Variants in RPA1 observed in about 807,000 individuals in gnomAD.
RPA1 encodes replication protein A1, also known as replication protein A 70 kDa DNA-binding subunit.
In RPA1, 49 loss-of-function variants were observed where a neutral mutation model predicts 83.0. The ratio of observed to expected loss-of-function variants is 0.59; its 90% CI spans 0.47 to 0.75. RPA1 has a LOEUF of 0.75. RPA1 is among the 30% of genes least tolerant of loss of function. RPA1 has a pLI of 0.00. For missense variants in RPA1, 693 were observed against 776.1 expected, an observed-to-expected ratio of 0.89 and a Z score of 1.27; for synonymous variants, 279 against 281.8, an observed-to-expected ratio of 0.99 and a Z score of 0.10.
chr17:1,891,385 C>T (rs780624217), intron 14 of RPA1, among the ~76,000 whole-genome samples: 2 of 151,576 alleles, frequency 1.3e-5, no homozygotes, highest in Non-Finnish European at 3.0e-5. Context: ...AGAACTCCCC[C>T]GATTCACTCA....
Position 1,880,450 on chromosome 17 carries a change from C to A in RPA1, c.1093-93C>A, listed in dbSNP as rs1450832267. The A allele has an allele frequency of 1.1e-5, 15 of 1,309,390 alleles. 1 individual carries two copies. Among genetic ancestry groups the A allele is most frequent in the Middle Eastern group, 2.4e-4 (1 of 4,224 alleles). The allele number at this position is 1,309,390 out of a possible 1,614,324, so 81.1% of individuals were successfully genotyped here. A position where few individuals can be genotyped will look rare whatever the true frequency, so the allele number is the denominator to read the frequency against. On this transcript the variant is annotated intron_variant, in intron 11 of 16. Transcript: ENST00000254719. ...ATTCCATGTACGCTGATTACATTCA[C>A]TCTACTATTGAATGTTTGCCTTGTT...
At chr17:1,868,140 C>T (rs931169840) in intron 5 of RPA1, among the ~76,000 whole-genome samples, 8 of 152,126 alleles carry the variant, frequency 5.3e-5, no homozygotes, top group Non-Finnish European at 8.8e-5. Context: ...TCCTTTATTT[C>T]AGTACCCAGC....
At chr17:1,858,499 T>C (rs942439214) in intron 5 of RPA1, 4 of 978,290 alleles carry the variant, frequency 4.1e-6, no homozygotes, top group Non-Finnish European at 6.4e-6. Context: ...AGTCTTGCTC[T>C]GTCACCCAGG....
chr17:1,880,684 C>T lies in RPA1; in HGVS notation c.1234C>T (p.Arg412Cys), dbSNP rs1263783009. Reference protein sequence around the residue: ...NPDIPEAYKLRGWFDAEGQAL... With the variant: ...NPDIPEAYKLCGWFDAEGQAL... ...TGACATCCCAGAGGCCTATAAGCTT[C>T]GTGGATGGTAGGTTTTGTGGGGCTA... is the stretch of plus-strand genomic sequence containing the variant. Residue 412 changes from arginine (R) to cysteine (C), a missense_variant, in exon 12 of 17, where the codon CGT becomes TGT. By Grantham distance (180) the Arg-to-Cys change is radical. Transcript: ENST00000254719. 4.3e-6 allele frequency: 7 copies of T among 1,613,290 alleles called. No individual in the cohort carries two copies. The East Asian group carries it at 6.7e-5, about 15-fold the overall frequency.
At chr17:1,848,812 C>A (rs1912362450) in intron 4 of RPA1, among the ~76,000 whole-genome samples, 2 of 152,148 alleles carry the variant, frequency 1.3e-5, no homozygotes, top group South Asian at 4.1e-4. Flanking sequence ...GATCCACCCA[C>A]CTCGGCCTCC....
rs1218466906 is a variant in RPA1, at chr17:1,875,693, A to G, written c.487A>G (p.Lys163Glu). ...TGTTTCTAAGGCTTATGGTGCTTCA[A>G]AGACATTTGGAAAAGCTGCAGGTCC... The part of the protein sequence containing the change: ...STVSKAYGAS[K>E]TFGKAAGPSL... Residue 163 changes from lysine to glutamate, a missense_variant, in exon 7 of 17, where the codon AAG becomes GAG. Coordinates refer to ENST00000254719, the MANE Select transcript of RPA1 (RefSeq NM_002945.5). The G allele has an allele frequency of 2.5e-6, 4 of 1,614,182 alleles. No individual in the cohort carries two copies. Among genetic ancestry groups the G allele is most frequent in the East Asian group, 2.2e-5 (1 of 44,888 alleles).
At chr17:1,882,099 C>T (rs1913821033) in intron 12 of RPA1, among the ~76,000 whole-genome samples, 1 of 152,156 alleles carries the variant, frequency 6.6e-6, no homozygotes, top group Non-Finnish European at 1.5e-5. Flanking sequence ...GGAACCTGTT[C>T]TTTGTGTGGT....
At chr17:1,846,651 A>ATGCT (rs199966380) in intron 4 of RPA1, among the ~76,000 whole-genome samples, 1,865 of 152,150 alleles carry the variant, frequency 0.012, 52 homozygotes, top group African/African-American at 0.043. Context: ...GGTATGTGGT[A>ATGCT]TGCTTGTTCA....
chr17:1,872,307 T>C lies in RPA1; in HGVS notation c.362-127T>C, dbSNP rs1913402275. The C allele has an allele frequency of 4.3e-6, 6 of 1,404,140 alleles. No individual in the cohort carries two copies. The South Asian group carries it at 8.3e-5, about 19-fold the overall frequency. The allele number at this position is 1,404,140 out of a possible 1,614,324, so 87.0% of individuals were successfully genotyped here. ...TGCCATGGAATGCCTCAGCACGAAT[T>C]CTAATCCATGGGAGTCTTTGACAAA... On this transcript the variant is annotated intron_variant, in intron 5 of 16. Transcript: ENST00000254719.
At position 1,895,016 on chromosome 17, in the gene RPA1, A is replaced by G. The variant is rs148923182; in HGVS notation, c.1667A>G (p.Gln556Arg). 9.9e-6 allele frequency: 16 copies of G among 1,613,248 alleles called. No individual in the cohort carries two copies. The African/African-American group carries it at 2.0e-4, about 20-fold the overall frequency. Residue 556 changes from glutamine (Q) to arginine (R), a missense_variant, in exon 16 of 17, where the codon CAG becomes CGG. Physicochemically the swap from Gln to Arg is conservative, Grantham distance 43 (BLOSUM62 1). Coordinates refer to ENST00000254719, the MANE Select transcript of RPA1 (RefSeq NM_002945.5). ...YLGELKDKNE[Q>R]AFEEVFQNAN... is the part of the protein sequence containing the mutation. Reference sequence around the variant, plus strand: ...TTATGTTTGTTTTTGCAGAATGAACAGGCATTTGAAGAAGTTTTCCAGAAT... The same window carrying G: ...TTATGTTTGTTTTTGCAGAATGAACGGGCATTTGAAGAAGTTTTCCAGAAT...
At chr17:1,873,297 C>G (rs1913445797) in intron 6 of RPA1, among the ~76,000 whole-genome samples, 1 of 152,174 alleles carries the variant, frequency 6.6e-6, no homozygotes, top group Non-Finnish European at 1.5e-5. Context: ...ATTTACTTTT[C>G]TCTGCAGCAG....
At chr17:1,857,817 GGA>G (rs774727314) in intron 5 of RPA1, among the ~76,000 whole-genome samples, 6 of 141,058 alleles carry the variant, frequency 4.3e-5, no homozygotes, top group East Asian at 2.0e-4. Flanking sequence ...GCAAAAAAGG[GGA>G]GTTTTTGCAG....
chr17:1,891,323 C>T (rs557512156), intron 14 of RPA1, among the ~76,000 whole-genome samples: 1 of 152,274 alleles, frequency 6.6e-6, no homozygotes, highest in East Asian at 1.9e-4. Flanking sequence ...GTGACAGAGC[C>T]GTCTCATGGA....
Position 1,875,127 on chromosome 17 carries a change from C to T in RPA1, c.455-534C>T, listed in dbSNP as rs546298645. Among the ~76,000 whole-genome samples, 13 of 152,292 alleles carry T rather than the reference C, an allele frequency of 8.5e-5. No individual in the cohort carries two copies. The South Asian group carries it at 2.1e-3, about 24-fold the overall frequency. ...ACTGATTCCTGCCCTTTGCACCCGA[C>T]GAAACTCATTCTTACAGACTTCATT... On this transcript the variant is annotated intron_variant, in intron 6 of 16. Coordinates refer to ENST00000254719, the MANE Select transcript of RPA1 (RefSeq NM_002945.5).
chr17:1,878,585 A>T (rs953973339), intron 8 of RPA1, among the ~76,000 whole-genome samples: 1 of 152,218 alleles, frequency 6.6e-6, no homozygotes, highest in Non-Finnish European at 1.5e-5. Context: ...CTGAGAGGGC[A>T]CTGTGGAGGG....
chr17:1,843,598 C>CATTATTATT (rs139126914), intron 2 of RPA1, among the ~76,000 whole-genome samples: 43,594 of 140,784 alleles, frequency 0.31, 7,503 homozygotes, highest in Non-Finnish European at 0.4. Flanking sequence ...TTGGGTGCTT[C>CATTATTATT]ATTATTATTA....
At chr17:1,840,554 A>G (rs1300944393) in intron 1 of RPA1, among the ~76,000 whole-genome samples, 2 of 151,872 alleles carry the variant, frequency 1.3e-5, no homozygotes, top group Non-Finnish European at 2.9e-5. Context: ...CCAAAGTGCT[A>G]GGATTACAGG....
Position 1,877,229 on chromosome 17 carries a change from G to C in RPA1, c.605G>C (p.Arg202Pro), listed in dbSNP as rs201881937. The C allele has an allele frequency of 5.0e-6, 8 of 1,614,058 alleles. No homozygotes were observed. The highest frequency in any genetic ancestry group is 2.5e-6 in the Non-Finnish European group (3 of 1,180,028). The change falls in exon 8 of 17, where the codon CGT (arginine) becomes CCT (proline). Residue 202 changes from arginine (R) to proline (P), a missense_variant. Transcript: ENST00000254719. The stretch of plus-strand genomic sequence containing the variant: ...GTTTGTAGGTGGACCATTTGTGCTC[G>C]TGTTACCAACAAAAGTCAGATCCGT... ...PYQSKWTICA[R>P]VTNKSQIRTW...
Position 1,843,979 on chromosome 17 carries a change from T to C in RPA1, c.144T>C (p.Asp48=). The change falls in exon 3 of 17, where the codon GAT becomes GAC. Residue 48 remains aspartate (D), a synonymous_variant. Transcript: ENST00000254719. ...CGCGTTATCGACTGCTCATGAGTGA[T>C]GGATTGAACACTCTATCCTGTGAGT... ...SPPRYRLLMS[D]GLNTLSSFML... 2 of 1,613,874 alleles carry C rather than the reference T, an allele frequency of 1.2e-6. No homozygotes were observed. The highest frequency in any genetic ancestry group is 1.6e-4 in the Middle Eastern group (1 of 6,062).
Sources: gnomAD v4.1 joint callset for allele counts (sites outside exome capture counted in the v4.1 genomes callset) on GRCh38, gnomAD v4.1.1 for gene constraint, MANE v1.5 for transcripts, NCBI Gene and HGNC (gene_info 2026-07-23, HGNC 2026-07-21) for gene names.